Variants in DPH3 observed in about 807,000 individuals in gnomAD.
DPH3 encodes diphthamide biosynthesis protein 3.
Under a neutral mutation model 10.2 loss-of-function variants are expected in DPH3, and 8 were observed. That is an observed-to-expected ratio of 0.79 (90% CI 0.46 to 1.42). The LOEUF is 1.42. DPH3 is among the 40% of genes most tolerant of loss of function. The pLI, the probability that DPH3 is intolerant of heterozygous loss-of-function variation, is 0.00. For synonymous variants in DPH3, 35 were observed against 35.6 expected (o/e 0.98, Z 0.06); for missense variants, 96 against 98.9 (o/e 0.97, Z 0.12).
At chr3:16,264,533 G>C in intron 1 of DPH3, 1 of 584,290 alleles carries the variant, frequency 1.7e-6, no homozygotes, top group Non-Finnish European at 3.0e-6. Flanking sequence ...ATCGGGCAGA[G>C]AGACAGAGGC....
rs1312821908 is a variant in DPH3, at chr3:16,263,568, C to T, written c.183+587G>A. On this transcript the variant is annotated intron_variant, in intron 2 of 2. Transcript: ENST00000488423. This position sits in a 1 kb window ranked among gnomAD's most constrained non-coding sequence, Gnocchi z 4.0. ...TCCCTATATTCATTTTGGACTTCAT[C>T]CTTGAGAGTGTTAAGGTCCTTACCT... 6.6e-6 allele frequency among the ~76,000 whole-genome samples: 1 copy of T among 152,204 alleles called. No individual in the cohort carries two copies. The highest frequency in any genetic ancestry group is 1.5e-5 in the Non-Finnish European group (1 of 68,040).
rs116535778 is a variant in DPH3, at chr3:16,262,267, T to A, written c.184-1438A>T. 2.6e-3 allele frequency among the ~76,000 whole-genome samples: 398 copies of A among 152,340 alleles called. 3 individuals carry two copies. The highest frequency in any genetic ancestry group is 8.5e-3 in the African/African-American group (352 of 41,582). On this transcript the variant is annotated intron_variant, in intron 2 of 2. Coordinates refer to ENST00000488423, the MANE Select transcript of DPH3 (RefSeq NM_206831.3). The surrounding 1 kb of genome is among the most constrained non-coding windows in gnomAD (Gnocchi z 4.7). ...TTCTCTCATTCTCTCCAACCAGTAT[T>A]CTGCCCATTGGTTTCTTCACTCATG...
At position 16,263,132 on chromosome 3, in the gene DPH3, C is replaced by T. The variant is rs1373505367; in HGVS notation, c.183+1023G>A. Among the ~76,000 whole-genome samples the T allele has an allele frequency of 7.0e-6, 1 of 142,542 alleles. No individual in the cohort carries two copies. Among genetic ancestry groups the T allele is most frequent in the Non-Finnish European group, 1.5e-5 (1 of 66,218 alleles). 93.5% of individuals were successfully genotyped at this position (142,542 alleles called of 152,430 possible). A position where few individuals can be genotyped will look rare whatever the true frequency, so the allele number is the denominator to read the frequency against. The stretch of plus-strand genomic sequence containing the variant: ...TTCCCTATATCACTCACAACAAGAG[C>T]CTAAGTCCTTAAAGTGATCCACAAC... On this transcript the variant is annotated intron_variant, in intron 2 of 2. Transcript: ENST00000488423. This position sits in a 1 kb window ranked among gnomAD's most constrained non-coding sequence, Gnocchi z 4.0.
Position 16,264,885 on chromosome 3 carries a change from G to C in DPH3, c.-9C>G, listed in dbSNP as rs770886656. The stretch of plus-strand genomic sequence containing the variant: ...TCATGAAACACTGCCATGGTCAGCG[G>C]GGGTGGCCGAAGGGGTAACGCCCCA... On this transcript the variant is annotated 5_prime_UTR_variant, in exon 1 of 3. Transcript: ENST00000488423. 5.0e-6 allele frequency: 8 copies of C among 1,614,070 alleles called. No homozygotes were observed. In the South Asian group the frequency reaches 6.6e-5, roughly 13 times the overall value.
In DPH3 at chr3:16,262,042, C is replaced by G. The variant is rs990565587; in HGVS notation, c.184-1213G>C. Among the ~76,000 whole-genome samples the G allele has an allele frequency of 6.6e-6, 1 of 152,168 alleles. No individual in the cohort carries two copies. Among genetic ancestry groups the G allele is most frequent in the South Asian group, 2.1e-4 (1 of 4,824 alleles). On this transcript the variant is annotated intron_variant, in intron 2 of 2. Coordinates refer to ENST00000488423, the MANE Select transcript of DPH3 (RefSeq NM_206831.3). The surrounding 1 kb of genome is among the most constrained non-coding windows in gnomAD (Gnocchi z 4.7). ...CATGGTCAGTTATAACCACTCTTCT[C>G]TCACTCCTTACTATTCACTTGGGAA...
chr3:16,264,717 G>C (rs949397237), intron 1 of DPH3, 52 bp downstream of exon 1: 1 of 1,569,314 alleles, frequency 6.4e-7, no homozygotes, highest in Non-Finnish European at 8.7e-7. Context: ...GGAACGGGCG[G>C]AACCAAACTG....
At chr3:16,264,290 A>C in intron 1 of DPH3, 61 bp from the exon 2 acceptor site, 1 of 1,353,404 alleles carries the variant, frequency 7.4e-7, no homozygotes, top group Non-Finnish European at 1.0e-6. Context: ...TCCTCCCCCA[A>C]ACCTATCCCA....
intron 1 of DPH3, 48 bp downstream of exon 1, chr3:16,264,721 C>T: frequency 1.3e-6 from 2 of 1,586,164 alleles, no homozygotes; most frequent in Non-Finnish European, 1.7e-6. Flanking sequence ...CGGGCGGAAC[C>T]AAACTGCGCT....
chr3:16,264,884 G>C lies in DPH3; in HGVS notation c.-8C>G, dbSNP rs749137653. 2 of 1,613,958 alleles carry C rather than the reference G, an allele frequency of 1.2e-6. No individual in the cohort carries two copies. Among genetic ancestry groups the C allele is most frequent in the Non-Finnish European group, 1.7e-6 (2 of 1,179,874 alleles). On this transcript the variant is annotated 5_prime_UTR_variant, in exon 1 of 3. Coordinates refer to ENST00000488423, the MANE Select transcript of DPH3 (RefSeq NM_206831.3). ...GTCATGAAACACTGCCATGGTCAGCGGGGGTGGCCGAAGGGGTAACGCCCC... is the reference window on the plus strand; with the variant it reads ...GTCATGAAACACTGCCATGGTCAGCCGGGGTGGCCGAAGGGGTAACGCCCC...
At position 16,264,765 on chromosome 3, in the gene DPH3, T is replaced by A. The variant is rs200723352; in HGVS notation, c.108+4A>T. 1,431 of 1,613,982 alleles carry A rather than the reference T, an allele frequency of 8.9e-4. 4 individuals are homozygous for A. Among genetic ancestry groups the A allele is most frequent in the Middle Eastern group, 2.8e-3 (17 of 6,056 alleles). ...TGAACCGCCGGGCGGGACCCTGAAG[T>A]TACCTTGGTGATGGAGAAGTTATCT... On this transcript the variant is annotated splice_donor_region_variant and intron_variant, in intron 1 of 2. Transcript: ENST00000488423.
rs529355460 is a variant in DPH3, at chr3:16,259,295, G to A, written c.*1469C>T. On this transcript the variant is annotated 3_prime_UTR_variant, in exon 3 of 3. Transcript: ENST00000488423. ...ATAATGTACTGAGCATTTTCAGCTC[G>A]GTACATTATAATTTTTGGTAATTTA... The A allele has an allele frequency of 4.6e-5, 7 of 152,248 alleles. No individual in the cohort carries two copies. Among genetic ancestry groups the A allele is most frequent in the East Asian group, 1.9e-4 (1 of 5,186 alleles). The allele number at this position is 152,248 out of a possible 1,614,324, so 9.4% of individuals were successfully genotyped here.
Position 16,260,463 on chromosome 3 carries a change from G to C in DPH3, c.*301C>G. On this transcript the variant is annotated 3_prime_UTR_variant, in exon 3 of 3. Transcript: ENST00000488423. ...TGTTGTCAGATACCGAAGTAATTTG[G>C]TTTAAGATATGAAAATGATGAAACC... 3.3e-6 allele frequency: 1 copy of C among 304,252 alleles called. No homozygotes were observed. The highest frequency in any genetic ancestry group is 6.1e-6 in the Non-Finnish European group (1 of 164,122). The allele number at this position is 304,252 out of a possible 1,614,324, so 18.8% of individuals were successfully genotyped here. A position where few individuals can be genotyped will look rare whatever the true frequency, so the allele number is the denominator to read the frequency against.
In DPH3 at chr3:16,260,674, G is replaced by T. The variant is rs950469240; in HGVS notation, c.*90C>A. On this transcript the variant is annotated 3_prime_UTR_variant, in exon 3 of 3. Transcript: ENST00000488423. ...TCTTACAGAACAGCAAATCATAAAT[G>T]GTTGTCTCTGTGAAGCCAGTAGCTT... 2 of 1,127,962 alleles carry T rather than the reference G, an allele frequency of 1.8e-6. No homozygotes were observed. Among genetic ancestry groups the T allele is most frequent in the South Asian group, 2.8e-5 (2 of 72,480 alleles). 69.9% of individuals were successfully genotyped at this position (1,127,962 alleles called of 1,614,324 possible). A position where few individuals can be genotyped will look rare whatever the true frequency, so the allele number is the denominator to read the frequency against.
rs1196808089 is a variant in DPH3, at chr3:16,258,703, T to A, written c.*2061A>T. The A allele has an allele frequency of 6.6e-6, 1 of 152,268 alleles. No individual in the cohort carries two copies. Among genetic ancestry groups the A allele is most frequent in the Non-Finnish European group, 1.5e-5 (1 of 68,074 alleles). 9.4% of individuals were successfully genotyped at this position (152,268 alleles called of 1,614,324 possible). A position where few individuals can be genotyped will look rare whatever the true frequency, so the allele number is the denominator to read the frequency against. On this transcript the variant is annotated 3_prime_UTR_variant, in exon 3 of 3. Coordinates refer to ENST00000488423, the MANE Select transcript of DPH3 (RefSeq NM_206831.3). ...CCTGGCCTCACATGATCCTCCTGCCTTAGCTTCCTGAGTAGCTGGGATTAC... is the reference window on the plus strand; with the variant it reads ...CCTGGCCTCACATGATCCTCCTGCCATAGCTTCCTGAGTAGCTGGGATTAC...
rs1032493440 is a variant in DPH3 at position 16,258,789 on chromosome 3, T to C, written c.*1975A>G. The C allele has an allele frequency of 6.6e-6, 1 of 152,204 alleles. No homozygotes were observed. Among genetic ancestry groups the C allele is most frequent in the Non-Finnish European group, 1.5e-5 (1 of 68,028 alleles). The allele number at this position is 152,204 out of a possible 1,614,324, so 9.4% of individuals were successfully genotyped here. ...TTCTGCTTAACACAGGATTCAATCT[T>C]GATGTGTTCTCCTACAGTTCACAAA... On this transcript the variant is annotated 3_prime_UTR_variant, in exon 3 of 3. Transcript: ENST00000488423.
In DPH3 at chr3:16,257,931, T is replaced by G. The variant is rs547775023; in HGVS notation, c.*2833A>C. ...TACCTCATATAAAATCATAAACATT[T>G]TAATTCAAAATGTTGACATTTAGAA... On this transcript the variant is annotated 3_prime_UTR_variant, in exon 3 of 3. Transcript: ENST00000488423. 1 of 152,378 alleles carries G rather than the reference T, an allele frequency of 6.6e-6. No individual in the cohort carries two copies. The highest frequency in any genetic ancestry group is 1.9e-4 in the East Asian group (1 of 5,194). 9.4% of individuals were successfully genotyped at this position (152,378 alleles called of 1,614,324 possible).
rs755237843 is a variant in DPH3, at chr3:16,264,871, T to C, written c.6A>G (p.Ala2=). The change falls in exon 1 of 3, where the codon GCA becomes GCG. Residue 2 remains alanine, a synonymous_variant. Transcript: ENST00000488423. M[A]VFHDEVEIED... is the part of the protein sequence containing the mutation. ...CGATTTCCACCTCGTCATGAAACAC[T>C]GCCATGGTCAGCGGGGGTGGCCGAA... 3.1e-6 allele frequency: 5 copies of C among 1,614,086 alleles called. No individual in the cohort carries two copies. The African/African-American group carries it at 6.7e-5, about 22-fold the overall frequency.
At position 16,261,015 on chromosome 3, in the gene DPH3, T is replaced by C. The variant is rs144716176; in HGVS notation, c.184-186A>G. Among the ~76,000 whole-genome samples the C allele has an allele frequency of 6.6e-6, 1 of 152,314 alleles. No individual in the cohort carries two copies. Among genetic ancestry groups the C allele is most frequent in the Non-Finnish European group, 1.5e-5 (1 of 68,024 alleles). The stretch of plus-strand genomic sequence containing the variant: ...AAGTAGAATCTTAAACATGTATCAG[T>C]TTTTTGATCTGAATTCATTATTTAA... On this transcript the variant is annotated intron_variant, in intron 2 of 2. Transcript: ENST00000488423. This position sits in a 1 kb window ranked among gnomAD's most constrained non-coding sequence, Gnocchi z 7.1.
In DPH3 at chr3:16,263,798, T is replaced by C. The variant is rs1034286187; in HGVS notation, c.183+357A>G. Among the ~76,000 whole-genome samples the C allele has an allele frequency of 2.0e-5, 3 of 152,204 alleles. No individual in the cohort carries two copies. The highest frequency in any genetic ancestry group is 4.4e-5 in the Non-Finnish European group (3 of 68,046). On this transcript the variant is annotated intron_variant, in intron 2 of 2. Coordinates refer to ENST00000488423, the MANE Select transcript of DPH3 (RefSeq NM_206831.3). The surrounding 1 kb of genome is among the most constrained non-coding windows in gnomAD (Gnocchi z 4.0). ...TAAGCCAGCACGAAATACCATACAATTGTTCCCTTCAAAGTAAGTCTAGCA... is the reference window on the plus strand; with the variant it reads ...TAAGCCAGCACGAAATACCATACAACTGTTCCCTTCAAAGTAAGTCTAGCA...
Sources: allele counts gnomAD v4.1 joint callset (sites outside exome capture counted in the v4.1 genomes callset), GRCh38; gene constraint gnomAD v4.1.1; non-coding constraint Gnocchi (gnomAD v3.1); transcripts MANE v1.5; gene names NCBI Gene and HGNC (gene_info 2026-07-23, HGNC 2026-07-21).